MFSD2B: variants seen among roughly 807,000 people sequenced by gnomAD.
MFSD2B encodes MFSD2 lysolipid transporter B, sphingolipid.
Under a neutral mutation model 58.4 loss-of-function variants are expected in MFSD2B, and 56 were observed. The observed-to-expected ratio is 0.96, with a 90% confidence interval of 0.77 to 1.20. The LOEUF (loss-of-function observed/expected upper bound fraction) is 1.20. Among genes scored for constraint, MFSD2B ranks in the 50% most tolerant of loss-of-function variants. MFSD2B has a pLI of 0.00. For missense variants in MFSD2B, 645 were observed against 667.6 expected (o/e 0.97, Z 0.37); for synonymous variants, 287 against 294.4 (o/e 0.97, Z 0.26).
In MFSD2B at chr2:24,014,177, A is replaced by G. The variant is rs376881701; in HGVS notation, c.222+767A>G. 4.0e-5 allele frequency among the ~76,000 whole-genome samples: 6 copies of G among 151,842 alleles called. No homozygotes were observed. In the South Asian group the frequency reaches 1.2e-3, roughly 32 times the overall value. The stretch of plus-strand genomic sequence containing the variant: ...CAGGTGTGTGCCATCATGCCTGGCT[A>G]ATTTTTTGTATTTTTAGTAGAGACA... On this transcript the variant is annotated intron_variant, in intron 2 of 13. Coordinates refer to ENST00000338315, the MANE Select transcript of MFSD2B (RefSeq NM_001346880.2).
At position 24,023,728 on chromosome 2, in the gene MFSD2B, T is replaced by C; in HGVS notation, c.1313+2T>C. 1.2e-6 allele frequency: 2 copies of C among 1,613,510 alleles called. No individual in the cohort carries two copies. The highest frequency in any genetic ancestry group is 1.7e-6 in the Non-Finnish European group (2 of 1,179,672). Reference sequence around the variant, plus strand: ...GGGCATCTCCACCCTCAGTCTGGAGTGAGTCCCAGGGTTAGGATACAGCAG... The same window carrying C: ...GGGCATCTCCACCCTCAGTCTGGAGCGAGTCCCAGGGTTAGGATACAGCAG... On this transcript the variant is annotated splice_donor_variant, in intron 12 of 13. Coordinates refer to ENST00000338315, the MANE Select transcript of MFSD2B (RefSeq NM_001346880.2). LOFTEE classifies it high-confidence loss of function. The surrounding 1 kb of genome is among the most constrained non-coding windows in gnomAD (Gnocchi z 5.0).
At position 24,023,739 on chromosome 2, in the gene MFSD2B, G is replaced by A; in HGVS notation, c.1313+13G>A. On this transcript the variant is annotated intron_variant, in intron 12 of 13. Coordinates refer to ENST00000338315, the MANE Select transcript of MFSD2B (RefSeq NM_001346880.2). This position sits in a 1 kb window ranked among gnomAD's most constrained non-coding sequence, Gnocchi z 5.0. Reference sequence around the variant, plus strand: ...CCCTCAGTCTGGAGTGAGTCCCAGGGTTAGGATACAGCAGAGGCACCAAGG... The same window carrying A: ...CCCTCAGTCTGGAGTGAGTCCCAGGATTAGGATACAGCAGAGGCACCAAGG... 6.2e-7 allele frequency: 1 copy of A among 1,613,310 alleles called. No individual in the cohort carries two copies. Among genetic ancestry groups the A allele is most frequent in the South Asian group, 1.1e-5 (1 of 91,018 alleles).
chr2:24,016,082 TGGCAAGCAG>T, intron 2 of MFSD2B, 65 bp from the exon 3 acceptor site: 1 of 1,585,482 alleles, frequency 6.3e-7, no homozygotes, highest in Non-Finnish European at 8.6e-7. Flanking sequence ...TCCCTCTTGA[TGGCAAGCAG>T]GCCTGGATGG....
In MFSD2B at chr2:24,019,493, T is replaced by C. The variant is rs113806367; in HGVS notation, c.681+1905T>C. Reference sequence around the variant, plus strand: ...ATCCCAGCACTTTGAGGGGCCGAGGTGGGTGGATCATTTGAGGTCAGGAGT... The same window carrying C: ...ATCCCAGCACTTTGAGGGGCCGAGGCGGGTGGATCATTTGAGGTCAGGAGT... On this transcript the variant is annotated intron_variant, in intron 6 of 13. Transcript: ENST00000338315. Among the ~76,000 whole-genome samples, 1,260 of 151,742 alleles carry C rather than the reference T, an allele frequency of 8.3e-3. 11 individuals are homozygous for C. Among genetic ancestry groups the C allele is most frequent in the South Asian group, 0.039 (186 of 4,796 alleles).
intron 2 of MFSD2B, 42 bp downstream of exon 2, chr2:24,013,452 T>C (rs1054486045): frequency 6.4e-7 from 1 of 1,555,368 alleles, no homozygotes; most frequent in Admixed American, 1.8e-5. Context: ...GCATCTTCCT[T>C]GGGGTCTGGT....
At chr2:24,013,261 G>A (rs530503677) in intron 1 of MFSD2B, 24 bp from the exon 2 acceptor site, 9 of 1,579,568 alleles carry the variant, frequency 5.7e-6, no homozygotes, top group Admixed American at 5.1e-5. Context: ...TGGGAGAAGG[G>A]CTTAGTTCCT....
chr2:24,021,995 C>T lies in MFSD2B; in HGVS notation c.894+25C>T, dbSNP rs553736501. ...GGTACCTCTGGCCAGCTGCCCCCGA[C>T]AGGCTTGGTGCTGGCCATGCTGACC... On this transcript the variant is annotated intron_variant, in intron 8 of 13. Transcript: ENST00000338315. The surrounding 1 kb of genome is among the most constrained non-coding windows in gnomAD (Gnocchi z 5.7). 1.9e-6 allele frequency: 3 copies of T among 1,613,730 alleles called. No individual in the cohort carries two copies. In the East Asian group the frequency reaches 6.7e-5, roughly 36 times the overall value.
rs1473377445 is a variant in MFSD2B, at chr2:24,024,723, T to A, written c.1490+452T>A. 6.6e-6 allele frequency among the ~76,000 whole-genome samples: 1 copy of A among 152,060 alleles called. No individual in the cohort carries two copies. Among genetic ancestry groups the A allele is most frequent in the Admixed American group, 6.6e-5 (1 of 15,248 alleles). ...TCTCGATGAGCCTCAATGGAACTCA[T>A]CTTGTCCCCCTAACTGGCTCCTCCT... On this transcript the variant is annotated intron_variant, in intron 13 of 13. Coordinates refer to ENST00000338315, the MANE Select transcript of MFSD2B (RefSeq NM_001346880.2). The surrounding 1 kb of genome is among the most constrained non-coding windows in gnomAD (Gnocchi z 4.3).
chr2:24,021,904 C>G lies in MFSD2B; in HGVS notation c.828C>G (p.Leu276=), dbSNP rs1197094618. Reference sequence around the variant, plus strand: ...TGAGTTTCCTGGCTGGGCTGAGCCTCACTACCCGGCACCCACCCTACCTGA... The same window carrying G: ...TGAGTTTCCTGGCTGGGCTGAGCCTGACTACCCGGCACCCACCCTACCTGA... ...PGLSFLAGLS[L]TTRHPPYLKL... is the part of the protein sequence containing the mutation. The change falls in exon 8 of 14, where the codon CTC becomes CTG. Residue 276 remains leucine (L), a synonymous_variant. Coordinates refer to ENST00000338315, the MANE Select transcript of MFSD2B (RefSeq NM_001346880.2). This position sits in a 1 kb window ranked among gnomAD's most constrained non-coding sequence, Gnocchi z 5.7. 1 of 1,614,022 alleles carries G rather than the reference C, an allele frequency of 6.2e-7. No individual in the cohort carries two copies. Among genetic ancestry groups the G allele is most frequent in the Non-Finnish European group, 8.5e-7 (1 of 1,179,886 alleles).
chr2:24,017,640 T>C lies in MFSD2B; in HGVS notation c.681+52T>C. 1 of 1,502,790 alleles carries C rather than the reference T, an allele frequency of 6.7e-7. No homozygotes were observed. The highest frequency in any genetic ancestry group is 8.9e-7 in the Non-Finnish European group (1 of 1,120,456). 93.1% of individuals were successfully genotyped at this position (1,502,790 alleles called of 1,614,324 possible). The stretch of plus-strand genomic sequence containing the variant: ...CCAACCTGGGGTCCCCTCTGCAGGG[T>C]CACCTCCTTCCTCTAGGGCTGGTTC... On this transcript the variant is annotated intron_variant, in intron 6 of 13. Transcript: ENST00000338315. This position sits in a 1 kb window ranked among gnomAD's most constrained non-coding sequence, Gnocchi z 4.8.
chr2:24,022,470 C>T lies in MFSD2B; in HGVS notation c.932C>T (p.Ala311Val), dbSNP rs1662827103. 6.2e-7 allele frequency: 1 copy of T among 1,613,446 alleles called. No homozygotes were observed. Among genetic ancestry groups the T allele is most frequent in the East Asian group, 2.2e-5 (1 of 44,864 alleles). The change falls in exon 9 of 14, where the codon GCC becomes GTC. Residue 311 changes from alanine (A) to valine (V), a missense_variant. Coordinates refer to ENST00000338315, the MANE Select transcript of MFSD2B (RefSeq NM_001346880.2). This position sits in a 1 kb window ranked among gnomAD's most constrained non-coding sequence, Gnocchi z 4.5. ...TACCTGGTCCTGTTCTGTACACATG[C>T]CTCCCAGCTACACGACCACGTCCAG... ...QSYLVLFCTH[A>V]SQLHDHVQGL...
chr2:24,021,623 A>G lies in MFSD2B; in HGVS notation c.682-25A>G. 2 of 1,598,890 alleles carry G rather than the reference A, an allele frequency of 1.3e-6. No individual in the cohort carries two copies. The highest frequency in any genetic ancestry group is 8.5e-7 in the Non-Finnish European group (1 of 1,171,300). On this transcript the variant is annotated intron_variant, in intron 6 of 13. Transcript: ENST00000338315. The surrounding 1 kb of genome is among the most constrained non-coding windows in gnomAD (Gnocchi z 5.7). ...CCTCCAGGGGTTGAAGACATCACCC[A>G]TCCCAGTCCTGTCCTGTCCCACAGG...
rs201093645 is a variant in MFSD2B at position 24,024,268 on chromosome 2, G to A, written c.1487G>A (p.Arg496Gln). 8.6e-5 allele frequency: 137 copies of A among 1,601,366 alleles called. No individual in the cohort carries two copies. In the African/African-American group the frequency reaches 1.0e-3, roughly 12 times the overall value. ...SRDASSRLSLRRRTSYSLA is the reference protein window; with the variant it reads ...SRDASSRLSLQRRTSYSLA ...GACGCCTCCAGCCGGCTGAGCCTTC[G>A]GAGGTAAGCCCCGCACGCCCCCTGC... Residue 496 changes from arginine to glutamine, a missense_variant, in exon 13 of 14, where the codon CGG becomes CAG. Transcript: ENST00000338315. This position sits in a 1 kb window ranked among gnomAD's most constrained non-coding sequence, Gnocchi z 4.3.
intron 6 of MFSD2B, among the ~76,000 whole-genome samples, chr2:24,019,191 G>A (rs1374455027): frequency 6.6e-6 from 1 of 152,086 alleles, no homozygotes; most frequent in African/African-American, 2.4e-5. Flanking sequence ...TTACACAAAG[G>A]CAGAGAGGCA....
At position 24,024,245 on chromosome 2, in the gene MFSD2B, C is replaced by T. The variant is rs755223532; in HGVS notation, c.1464C>T (p.Asp488=). The T allele has an allele frequency of 1.1e-5, 17 of 1,609,456 alleles. No individual in the cohort carries two copies. Among genetic ancestry groups the T allele is most frequent in the Admixed American group, 6.8e-5 (4 of 59,214 alleles). The change falls in exon 13 of 14, where the codon GAC becomes GAT. Residue 488 remains aspartate, a synonymous_variant. Coordinates refer to ENST00000338315, the MANE Select transcript of MFSD2B (RefSeq NM_001346880.2). This position sits in a 1 kb window ranked among gnomAD's most constrained non-coding sequence, Gnocchi z 4.3. ...CCACTCCAAAGACACCCAGTCGGGA[C>T]GCCTCCAGCCGGCTGAGCCTTCGGA... ...VGSTPKTPSR[D]ASSRLSLRRR...
intron 3 of MFSD2B, 62 bp downstream of exon 3, chr2:24,016,342 G>T: frequency 6.5e-7 from 1 of 1,536,836 alleles, no homozygotes. Context: ...GTCACTGTTT[G>T]TCACAGCCCT....
At position 24,024,011 on chromosome 2, in the gene MFSD2B, G is replaced by T. The variant is rs1000442489; in HGVS notation, c.1314-84G>T. On this transcript the variant is annotated intron_variant, in intron 12 of 13. Transcript: ENST00000338315. The surrounding 1 kb of genome is among the most constrained non-coding windows in gnomAD (Gnocchi z 4.3). Reference sequence around the variant, plus strand: ...GAAGTCCACGTTTCAGGAGGGGGTGGGGTGGGGTGAGGTGTCGAGTCCCTC... The same window carrying T: ...GAAGTCCACGTTTCAGGAGGGGGTGTGGTGGGGTGAGGTGTCGAGTCCCTC... 18 of 1,355,546 alleles carry T rather than the reference G, an allele frequency of 1.3e-5. No individual in the cohort carries two copies. The highest frequency in any genetic ancestry group is 1.9e-5 in the Non-Finnish European group (18 of 971,168). The allele number at this position is 1,355,546 out of a possible 1,614,324, so 84.0% of individuals were successfully genotyped here. A position where few individuals can be genotyped will look rare whatever the true frequency, so the allele number is the denominator to read the frequency against.
At position 24,022,305 on chromosome 2, in the gene MFSD2B, GGACTGTAT is replaced by G; in HGVS notation, c.895-125_895-118del. ...GGATAAGTGTCCTTTGTGGGGGAAG[GGACTGTAT>G]GATGGTAGCAGCAAGCCAAGGTCCC... On this transcript the variant is annotated intron_variant, in intron 8 of 13. Transcript: ENST00000338315. The surrounding 1 kb of genome is among the most constrained non-coding windows in gnomAD (Gnocchi z 4.5). 1 of 774,546 alleles carries G rather than the reference GGACTGTAT, an allele frequency of 1.3e-6. No individual in the cohort carries two copies. Among genetic ancestry groups the G allele is most frequent in the East Asian group, 2.7e-5 (1 of 37,388 alleles). The allele number at this position is 774,546 out of a possible 1,614,324, so 48.0% of individuals were successfully genotyped here.
Position 24,021,505 on chromosome 2 carries a change from T to C in MFSD2B, c.682-143T>C, listed in dbSNP as rs1383178481. 4.3e-6 allele frequency: 3 copies of C among 689,946 alleles called. No homozygotes were observed. Among genetic ancestry groups the C allele is most frequent in the Admixed American group, 4.6e-5 (2 of 43,502 alleles). 42.7% of individuals were successfully genotyped at this position (689,946 alleles called of 1,614,324 possible). A position where few individuals can be genotyped will look rare whatever the true frequency, so the allele number is the denominator to read the frequency against. ...GAGAGCATGCTGTCCTGTGGGGTGA[T>C]TGGGAGGTGGGGACCCAGCGTCCTG... is the stretch of plus-strand genomic sequence containing the variant. On this transcript the variant is annotated intron_variant, in intron 6 of 13. Transcript: ENST00000338315. The surrounding 1 kb of genome is among the most constrained non-coding windows in gnomAD (Gnocchi z 5.7).
Sources: gnomAD v4.1 joint callset for allele counts (sites outside exome capture counted in the v4.1 genomes callset) on GRCh38, gnomAD v4.1.1 for gene constraint, Gnocchi (gnomAD v3.1) non-coding constraint, MANE v1.5 for transcripts, NCBI Gene and HGNC (gene_info 2026-07-23, HGNC 2026-07-21) for gene names.